The following RNF138 variants were observed in gnomAD, a reference collection of about 807,000 sequenced individuals.
RNF138 encodes the protein E3 ubiquitin-protein ligase RNF138.
A neutral mutation model predicts 31.0 loss-of-function variants in RNF138; 12 were observed. That is an observed-to-expected ratio of 0.39 (90% CI 0.25 to 0.63). The LOEUF is 0.63. RNF138 is among the 20% of genes least tolerant of loss of function. The probability of loss-of-function intolerance (pLI) is 0.52; values close to 1 mark genes in which losing one functional copy is unlikely to be tolerated. For missense variants in RNF138, 192 were observed against 300.1 expected (o/e 0.64, Z 2.66); for synonymous variants, 105 against 99.5 (o/e 1.06, Z -0.33).
Position 32,129,357 on chromosome 18 carries a change from A to G in RNF138, c.*170A>G. On this transcript the variant is annotated 3_prime_UTR_variant, in exon 8 of 8. Coordinates refer to ENST00000261593, the MANE Select transcript of RNF138 (RefSeq NM_016271.5). ...GGCTTCTAAAAACTTCATCATCTTG[A>G]TAAGTTAAAAAATGAAAGTTATGAC... 1.9e-6 allele frequency: 1 copy of G among 521,354 alleles called. No individual in the cohort carries two copies. The highest frequency in any genetic ancestry group is 3.2e-5 in the Admixed American group (1 of 30,910). 32.3% of individuals were successfully genotyped at this position (521,354 alleles called of 1,614,324 possible). A position where few individuals can be genotyped will look rare whatever the true frequency, so the allele number is the denominator to read the frequency against.
intron 2 of RNF138, among the ~76,000 whole-genome samples, chr18:32,107,455 T>A (rs1183216396): frequency 6.6e-6 from 1 of 151,674 alleles, no homozygotes; most frequent in Non-Finnish European, 1.5e-5. Context: ...TGTCCTTTTT[T>A]AAATTTTAGC....
At chr18:32,127,156 A>G (rs1467139155) in intron 7 of RNF138, among the ~76,000 whole-genome samples, 2 of 152,228 alleles carry the variant, frequency 1.3e-5, no homozygotes, top group African/African-American at 2.4e-5. Context: ...CTCATGTAGT[A>G]TAAGTTGCTT....
chr18:32,118,905 C>G (rs186497602), intron 4 of RNF138, among the ~76,000 whole-genome samples: 3 of 152,206 alleles, frequency 2.0e-5, no homozygotes, highest in Admixed American at 2.0e-4. Context: ...TAGTCTTTGG[C>G]TGGTTTTGTA....
intron 4 of RNF138, among the ~76,000 whole-genome samples, chr18:32,123,105 C>T (rs1189000798): frequency 6.6e-6 from 1 of 152,134 alleles, no homozygotes; most frequent in Non-Finnish European, 1.5e-5. Flanking sequence ...GAGGGCATAA[C>T]CTTATACCAT....
At chr18:32,094,210 T>TC (rs2039764330) in intron 2 of RNF138, among the ~76,000 whole-genome samples, 1 of 151,272 alleles carries the variant, frequency 6.6e-6, no homozygotes, top group Admixed American at 6.6e-5. Context: ...TTTTTTTTCT[T>TC]TTTTTTTTGA....
In RNF138 at chr18:32,107,819, TTTAA is replaced by T. The variant is rs139005694; in HGVS notation, c.111-3931_111-3928del. Reference sequence around the variant, plus strand: ...GGTGTGAGCCACTGTGCCGGCCTTATTTAATTATTTTTATAACAGTTTTAATATA... The same window carrying T: ...GGTGTGAGCCACTGTGCCGGCCTTATTTATTTTTATAACAGTTTTAATATA... On this transcript the variant is annotated intron_variant, in intron 2 of 7. Transcript: ENST00000261593. Among the ~76,000 whole-genome samples, 1,463 of 150,498 alleles carry T rather than the reference TTTAA, an allele frequency of 9.7e-3. 22 individuals carry two copies. Among genetic ancestry groups the T allele is most frequent in the African/African-American group, 0.034 (1,372 of 40,898 alleles).
Position 32,131,108 on chromosome 18 carries a change from TGGGA to T in RNF138, c.*1922_*1925del, listed in dbSNP as rs2040470122. 6.6e-6 allele frequency: 1 copy of T among 152,268 alleles called. No individual in the cohort carries two copies. The highest frequency in any genetic ancestry group is 2.4e-5 in the African/African-American group (1 of 41,392). The allele number at this position is 152,268 out of a possible 1,614,324, so 9.4% of individuals were successfully genotyped here. ...TCCAATATGTCAAGTTAAACCATTC[TGGGA>T]TTTGGGAACTTCTTTAAAGGAAAAT... On this transcript the variant is annotated 3_prime_UTR_variant, in exon 8 of 8. Coordinates refer to ENST00000261593, the MANE Select transcript of RNF138 (RefSeq NM_016271.5).
At chr18:32,124,229 A>C in intron 5 of RNF138, 1 of 153,650 alleles carries the variant, frequency 6.5e-6, no homozygotes, top group East Asian at 1.9e-4. Context: ...TCTCATGATC[A>C]GTGCTTTTGT....
At position 32,123,525 on chromosome 18, in the gene RNF138, A is replaced by G; in HGVS notation, c.400A>G (p.Ser134Gly). The stretch of plus-strand genomic sequence containing the variant: ...TCCCCTGTGCTTCTTAAGCAATAGG[A>G]GTGAAACATCCACATCTGATAACAC... ...SQDSVGNSNR[S>G]ETSTSDNTET... The change falls in exon 5 of 8, where the codon AGT becomes GGT. Residue 134 changes from serine (S) to glycine (G), a missense_variant. Ser to Gly is a moderately conservative substitution (Grantham distance 56). Coordinates refer to ENST00000261593, the MANE Select transcript of RNF138 (RefSeq NM_016271.5). 6.3e-7 allele frequency: 1 copy of G among 1,586,624 alleles called. No individual in the cohort carries two copies. The highest frequency in any genetic ancestry group is 1.7e-4 in the Middle Eastern group (1 of 5,956).
At chr18:32,105,022 C>T (rs2040005936) in intron 2 of RNF138, among the ~76,000 whole-genome samples, 1 of 152,114 alleles carries the variant, frequency 6.6e-6, no homozygotes, top group Admixed American at 6.5e-5. Context: ...TGGTTGGCTT[C>T]TTTGATTTTC....
intron 2 of RNF138, among the ~76,000 whole-genome samples, chr18:32,096,853 A>G (rs59911054): frequency 0.087 from 13,213 of 152,066 alleles, 641 homozygotes; most frequent in Non-Finnish European, 0.11. Flanking sequence ...CAACCTCCCA[A>G]GTAGCTAGCT....
chr18:32,103,807 C>T (rs1555697782), intron 2 of RNF138, among the ~76,000 whole-genome samples: 1 of 149,916 alleles, frequency 6.7e-6, no homozygotes, highest in Non-Finnish European at 1.5e-5. Flanking sequence ...ACTAAAAATA[C>T]AAAAAAAAAT....
In RNF138 at chr18:32,123,551, A is replaced by G; in HGVS notation, c.426A>G (p.Thr142=). The G allele has an allele frequency of 6.3e-7, 1 of 1,594,836 alleles. No homozygotes were observed. The highest frequency in any genetic ancestry group is 8.5e-7 in the Non-Finnish European group (1 of 1,172,120). Residue 142 remains threonine (T), a synonymous_variant, in exon 5 of 8, where the codon ACA becomes ACG. Coordinates refer to ENST00000261593, the MANE Select transcript of RNF138 (RefSeq NM_016271.5). ...GTGAAACATCCACATCTGATAACAC[A>G]GAAACTTACCAAGAGAATACAAGGT... ...NRSETSTSDN[T]ETYQENTSSS...
At chr18:32,126,628 C>T (rs1385245950) in intron 6 of RNF138, 65 bp from the exon 7 acceptor site, 2 of 1,003,710 alleles carry the variant, frequency 2.0e-6, no homozygotes, top group Admixed American at 4.1e-5. Context: ...TATTTTAATA[C>T]TGTCAATTGT....
intron 2 of RNF138, among the ~76,000 whole-genome samples, chr18:32,108,976 A>G (rs546413929): frequency 6.6e-6 from 1 of 151,912 alleles, no homozygotes; most frequent in Non-Finnish European, 1.5e-5. Context: ...TTTTATGTAT[A>G]TAGGTTTGAT....
rs1422599774 is a variant in RNF138, at chr18:32,092,690, G to C, written c.-77-10G>C. 1 of 767,542 alleles carries C rather than the reference G, an allele frequency of 1.3e-6. No homozygotes were observed. Among genetic ancestry groups the C allele is most frequent in the Non-Finnish European group, 2.2e-6 (1 of 449,364 alleles). The allele number at this position is 767,542 out of a possible 1,614,324, so 47.5% of individuals were successfully genotyped here. A position where few individuals can be genotyped will look rare whatever the true frequency, so the allele number is the denominator to read the frequency against. ...GATGCGATCCCCCTCCCCCCTCCGG[G>C]TTCATGTAGGGAGTCGGGCCCCGGG... On this transcript the variant is annotated splice_polypyrimidine_tract_variant and intron_variant, in intron 1 of 7. Coordinates refer to ENST00000261593, the MANE Select transcript of RNF138 (RefSeq NM_016271.5).
At chr18:32,108,835 A>G (rs1038161668) in intron 2 of RNF138, among the ~76,000 whole-genome samples, 5 of 151,678 alleles carry the variant, frequency 3.3e-5, no homozygotes, top group South Asian at 2.1e-4. Flanking sequence ...TGCCCAGCTA[A>G]TTTTTTATTT....
intron 2 of RNF138, among the ~76,000 whole-genome samples, chr18:32,094,702 T>A (rs978639523): frequency 1.3e-4 from 20 of 152,066 alleles, no homozygotes; most frequent in African/African-American, 4.8e-4. Context: ...TTAAAAAAAA[T>A]TTAAGTGCTG....
rs1380523181 is a variant in RNF138 at position 32,130,388 on chromosome 18, C to T, written c.*1201C>T. On this transcript the variant is annotated 3_prime_UTR_variant, in exon 8 of 8. Transcript: ENST00000261593. Reference sequence around the variant, plus strand: ...CCGTGATATAGTGAGAAAGATTCTACCAACCACTGTTTCACTACTTTTTAG... The same window carrying T: ...CCGTGATATAGTGAGAAAGATTCTATCAACCACTGTTTCACTACTTTTTAG... 2.6e-5 allele frequency: 4 copies of T among 152,256 alleles called. No homozygotes were observed. Among genetic ancestry groups the T allele is most frequent in the African/African-American group, 9.7e-5 (4 of 41,382 alleles). 9.4% of individuals were successfully genotyped at this position (152,256 alleles called of 1,614,324 possible).
Sources: allele counts gnomAD v4.1 joint callset (sites outside exome capture counted in the v4.1 genomes callset), GRCh38; gene constraint gnomAD v4.1.1; transcripts MANE v1.5; gene names NCBI Gene and HGNC (gene_info 2026-07-23, HGNC 2026-07-21).